RGS7: variants seen among roughly 807,000 people sequenced by gnomAD.
RGS7 encodes regulator of G-protein signaling 7.
Under a neutral mutation model 81.1 loss-of-function variants are expected in RGS7, and 27 were observed. The ratio of observed to expected loss-of-function variants is 0.33; its 90% CI spans 0.25 to 0.46. The LOEUF (loss-of-function observed/expected upper bound fraction) is 0.46, where lower values mean the gene tolerates loss of function less well. RGS7 is among the 20% of genes least tolerant of loss of function. RGS7 has a pLI of 1.00. For missense variants in RGS7, 396 were observed against 607.4 expected (o/e 0.65, Z 3.66); for synonymous variants, 208 against 207.7 (o/e 1.00, Z -0.01).
chr1:241,149,208 C>G (rs1178373594), intron 2 of RGS7, among the ~76,000 whole-genome samples: 1 of 152,104 alleles, frequency 6.6e-6, no homozygotes, highest in Non-Finnish European at 1.5e-5. Context: ...CTCTTGTTGC[C>G]CAGGCTGGAG....
rs192496546 is a variant in RGS7, at chr1:241,166,712, C to A, written c.79-67950G>T. 4.6e-5 allele frequency among the ~76,000 whole-genome samples: 7 copies of A among 152,316 alleles called. No individual in the cohort carries two copies. The East Asian group carries it at 1.4e-3, about 29-fold the overall frequency. On this transcript the variant is annotated intron_variant, in intron 2 of 18. Coordinates refer to ENST00000440928, the MANE Select transcript of RGS7 (RefSeq NM_001364886.1). The stretch of plus-strand genomic sequence containing the variant: ...TGCCAGTCTTCAGATTGCAAGAGAA[C>A]CCTGGGCCCCAAAGCTTATGCTGAC...
intron 4 of RGS7, among the ~76,000 whole-genome samples, chr1:240,980,504 A>C (rs1485673406): frequency 6.6e-6 from 1 of 152,192 alleles, no homozygotes; most frequent in African/African-American, 2.4e-5. Flanking sequence ...TTATTTTAAA[A>C]CATCTTCAGG....
chr1:241,289,159 T>C (rs1214269940), intron 2 of RGS7, among the ~76,000 whole-genome samples: 1 of 152,234 alleles, frequency 6.6e-6, no homozygotes, highest in African/African-American at 2.4e-5. Flanking sequence ...CAAGTCAGCC[T>C]TTCAATGAGA....
intron 6 of RGS7, among the ~76,000 whole-genome samples, chr1:240,927,672 G>A (rs1390103757): frequency 6.6e-6 from 1 of 152,116 alleles, no homozygotes; most frequent in African/African-American, 2.4e-5. Flanking sequence ...TGAGATCATT[G>A]TTATTCTCTT....
intron 2 of RGS7, among the ~76,000 whole-genome samples, chr1:241,161,624 T>C (rs1558142801): frequency 6.6e-6 from 1 of 150,716 alleles, no homozygotes; most frequent in African/African-American, 2.4e-5. Context: ...TCAATTTAAT[T>C]CTCATTTCTA....
intron 4 of RGS7, among the ~76,000 whole-genome samples, chr1:240,947,936 A>T (rs757147939): frequency 2.0e-5 from 3 of 152,150 alleles, no homozygotes; most frequent in Non-Finnish European, 4.4e-5. Flanking sequence ...CTCCTCAAAC[A>T]TACCAAGCAT....
intron 2 of RGS7, among the ~76,000 whole-genome samples, chr1:241,178,921 G>T (rs2071377236): frequency 6.6e-6 from 1 of 152,162 alleles, no homozygotes; most frequent in East Asian, 1.9e-4. Flanking sequence ...TACTTTCAGT[G>T]TTCACTGTGT....
intron 2 of RGS7, among the ~76,000 whole-genome samples, chr1:241,354,366 T>C (rs973382284): frequency 6.6e-6 from 1 of 152,248 alleles, no homozygotes; most frequent in Non-Finnish European, 1.5e-5. Context: ...GCAGTTGGAA[T>C]GCTTTAAGAC....
intron 2 of RGS7, among the ~76,000 whole-genome samples, chr1:241,130,693 A>G (rs2067012824): frequency 6.6e-6 from 1 of 150,960 alleles, no homozygotes; most frequent in African/African-American, 2.5e-5. Context: ...TGGAAAACAT[A>G]CTGAACTAAA....
chr1:241,109,458 T>G (rs1189991889), intron 2 of RGS7, among the ~76,000 whole-genome samples: 6 of 152,090 alleles, frequency 3.9e-5, no homozygotes, highest in Non-Finnish European at 7.4e-5. Context: ...TTACATGACT[T>G]ACATGTAAGT....
At chr1:240,964,594 G>C (rs1681992392) in intron 4 of RGS7, among the ~76,000 whole-genome samples, 1 of 152,140 alleles carries the variant, frequency 6.6e-6, no homozygotes, top group South Asian at 2.1e-4. Flanking sequence ...GCCTGTAAGA[G>C]GGGCAGTGAT....
intron 3 of RGS7, among the ~76,000 whole-genome samples, chr1:241,068,257 T>TATATATATATATATATATATAAAA (rs1433690559): frequency 8.2e-5 from 6 of 73,272 alleles, no homozygotes; most frequent in South Asian, 6.2e-4. Context: ...TATATATATA[T>TATATATATATATATATATATAAAA]AAAATATTGT....
rs78319433 is a variant in RGS7 at position 240,941,750 on chromosome 1, T to G, written c.227-5044A>C. On this transcript the variant is annotated intron_variant, in intron 4 of 18. Coordinates refer to ENST00000440928, the MANE Select transcript of RGS7 (RefSeq NM_001364886.1). ...GTGCCACAGTTCCCTGTGGTCCCAC[T>G]GCTCCGAAATCTTAGCACCATCTTA... 7.6e-3 allele frequency among the ~76,000 whole-genome samples: 1,162 copies of G among 151,952 alleles called. 16 individuals are homozygous for G. Among genetic ancestry groups the G allele is most frequent in the African/African-American group, 0.026 (1,091 of 41,396 alleles).
At chr1:240,810,081 G>A (rs1334289262) in intron 14 of RGS7, among the ~76,000 whole-genome samples, 1 of 152,092 alleles carries the variant, frequency 6.6e-6, no homozygotes, top group African/African-American at 2.4e-5. Context: ...CTGTTTTGAT[G>A]GTTTATCTCC....
intron 3 of RGS7, among the ~76,000 whole-genome samples, chr1:241,016,511 A>AATC (rs1328069043): frequency 1.3e-5 from 2 of 151,990 alleles, no homozygotes; most frequent in African/African-American, 4.8e-5. Context: ...AGTGAGACTC[A>AATC]ATCTCAAAAA....
intron 4 of RGS7, among the ~76,000 whole-genome samples, chr1:240,981,626 T>TATTA (rs1684934926): frequency 6.6e-6 from 1 of 152,158 alleles, no homozygotes; most frequent in Admixed American, 6.6e-5. Flanking sequence ...CTTCCCTTCC[T>TATTA]ATTAATTATC....
intron 4 of RGS7, among the ~76,000 whole-genome samples, chr1:240,974,343 G>T (rs1414503040): frequency 6.6e-6 from 1 of 151,998 alleles, no homozygotes; most frequent in African/African-American, 2.4e-5. Flanking sequence ...GTTTTGTTTA[G>T]ATAAAAAACA....
intron 3 of RGS7, among the ~76,000 whole-genome samples, chr1:240,984,468 A>G (rs1685371248): frequency 6.6e-6 from 1 of 152,254 alleles, no homozygotes; most frequent in East Asian, 1.9e-4. Context: ...AAAGAAGTCA[A>G]GGTTTCTAGC....
At chr1:241,032,685 T>C (rs1018146060) in intron 3 of RGS7, among the ~76,000 whole-genome samples, 2 of 152,324 alleles carry the variant, frequency 1.3e-5, no homozygotes, top group Non-Finnish European at 2.9e-5. Flanking sequence ...AATTTCCCTC[T>C]CAGAGATCTT....
Sources: allele counts gnomAD v4.1 joint callset (sites outside exome capture counted in the v4.1 genomes callset), GRCh38; gene constraint gnomAD v4.1.1; transcripts MANE v1.5; gene names NCBI Gene and HGNC (gene_info 2026-07-23, HGNC 2026-07-21).